Variants in ANXA8 observed in about 807,000 individuals in gnomAD.
The protein encoded by ANXA8 is annexin A8, also known as VAC-beta.
A neutral mutation model predicts 26.8 loss-of-function variants in ANXA8; 9 were observed. That is an observed-to-expected ratio of 0.34 (90% CI 0.20 to 0.59). The LOEUF is 0.59. Among genes scored for constraint, ANXA8 ranks in the 20% least tolerant of loss-of-function variants. ANXA8 has a pLI of 0.84. For synonymous variants in ANXA8, 39 were observed against 94.8 expected (o/e 0.41, Z 3.42); for missense variants, 83 against 238.5 (o/e 0.35, Z 4.29).
At chr10:47,559,141 A>ATTTTTTTTTTTTTT in the ANXA8 span, among the ~76,000 whole-genome samples, 1 of 72,246 alleles carries the variant, frequency 1.4e-5, no homozygotes, top group Admixed American at 1.5e-4. Flanking sequence ...TTGGAGTCTT[A>ATTTTTTTTTTTTTT]CTTTTTTTTT....
chr10:47,596,003 A>C, the ANXA8 span, among the ~76,000 whole-genome samples: 1 of 147,506 alleles, frequency 6.8e-6, no homozygotes, highest in Non-Finnish European at 1.5e-5. Context: ...AAGAGTGATC[A>C]CATATGCAGT....
the ANXA8 span, among the ~76,000 whole-genome samples, chr10:47,947,623 C>T: frequency 6.6e-6 from 1 of 150,804 alleles, no homozygotes; most frequent in Non-Finnish European, 1.5e-5. Flanking sequence ...CATGAGATTA[C>T]CACTTCCCCT....
At chr10:47,700,674 T>G in the ANXA8 span, among the ~76,000 whole-genome samples, 1 of 151,770 alleles carries the variant, frequency 6.6e-6, no homozygotes, top group South Asian at 2.1e-4. Context: ...AAATAAATTT[T>G]GCATAACCAA....
chr10:47,520,857 A>AG, the ANXA8 span, among the ~76,000 whole-genome samples: 1 of 131,510 alleles, frequency 7.6e-6, no homozygotes, highest in African/African-American at 3.3e-5. Context: ...AAAAAAAAAA[A>AG]AAAAGAAGAA....
chr10:47,940,719 C>T, the ANXA8 span, among the ~76,000 whole-genome samples: 1 of 146,188 alleles, frequency 6.8e-6, no homozygotes, highest in Non-Finnish European at 1.5e-5. Flanking sequence ...ATCCCAGCTA[C>T]TCGGGAAGCT....
chr10:47,891,263 TAAATA>T, the ANXA8 span, among the ~76,000 whole-genome samples: 1 of 146,728 alleles, frequency 6.8e-6, no homozygotes, highest in Non-Finnish European at 1.5e-5. Flanking sequence ...TGAATGAAAA[TAAATA>T]ATACACAGTT....
chr10:47,697,100 A>G, the ANXA8 span, among the ~76,000 whole-genome samples: 2 of 151,936 alleles, frequency 1.3e-5, no homozygotes, highest in Non-Finnish European at 2.9e-5. Context: ...AGGAAATAAA[A>G]TGACATAAAA....
At chr10:47,492,960 C>T in the ANXA8 span, among the ~76,000 whole-genome samples, 2 of 151,218 alleles carry the variant, frequency 1.3e-5, no homozygotes, top group African/African-American at 2.4e-5. Context: ...GGACTGTGGG[C>T]CCTCCCAGCC....
chr10:47,974,787 A>C, the ANXA8 span, among the ~76,000 whole-genome samples: 4 of 149,318 alleles, frequency 2.7e-5, 1 homozygote, highest in Admixed American at 2.7e-4. Context: ...ATTTTTTAAA[A>C]TTTATTGAGA....
At chr10:47,558,016 A>G in the ANXA8 span, among the ~76,000 whole-genome samples, 1 of 151,910 alleles carries the variant, frequency 6.6e-6, no homozygotes, top group Non-Finnish European at 1.5e-5. Context: ...ATACTAAGGA[A>G]TATCTGTGGT....
the ANXA8 span, among the ~76,000 whole-genome samples, chr10:47,981,231 A>G: frequency 1.3e-5 from 2 of 151,278 alleles, no homozygotes; most frequent in African/African-American, 2.4e-5. Context: ...CAGAAAAAAC[A>G]TTTGACAAAA....
the ANXA8 span, among the ~76,000 whole-genome samples, chr10:47,733,221 C>CTT: frequency 0.017 from 976 of 56,636 alleles, 13 homozygotes; most frequent in Admixed American, 0.025. Flanking sequence ...TTCTTTCTTT[C>CTT]TCTTTCTTTC....
the ANXA8 span, among the ~76,000 whole-genome samples, chr10:47,948,672 G>A: frequency 2.0e-5 from 3 of 150,350 alleles, no homozygotes; most frequent in Admixed American, 2.0e-4. Context: ...AGAAGGAAAG[G>A]AAAGAGGGAA....
chr10:47,675,201 C>T, the ANXA8 span, among the ~76,000 whole-genome samples: 2 of 144,606 alleles, frequency 1.4e-5, no homozygotes, highest in Non-Finnish European at 3.0e-5. Context: ...ATAAATATTT[C>T]TATATGTATC....
the ANXA8 span, among the ~76,000 whole-genome samples, chr10:47,967,281 A>G: frequency 5.3e-5 from 8 of 151,264 alleles, 1 homozygote; most frequent in Non-Finnish European, 7.4e-5. Context: ...GCTTAGTAGC[A>G]TGTATAGGCA....
chr10:47,743,858 C>T, the ANXA8 span, among the ~76,000 whole-genome samples: 1 of 145,280 alleles, frequency 6.9e-6, no homozygotes, highest in Non-Finnish European at 1.5e-5. Flanking sequence ...TCTGCAGGCT[C>T]CGTCCCCACA....
the ANXA8 span, among the ~76,000 whole-genome samples, chr10:47,651,271 TA>T: frequency 1.2e-4 from 16 of 129,630 alleles, no homozygotes; most frequent in African/African-American, 3.6e-4. Context: ...TATAATAACT[TA>T]AAAAAAATCT....
the ANXA8 span, among the ~76,000 whole-genome samples, chr10:47,497,618 T>A: frequency 9.1e-6 from 1 of 109,958 alleles, no homozygotes; most frequent in African/African-American, 3.7e-5. Flanking sequence ...AACCTCCATC[T>A]CAAAAAAAAA....
the ANXA8 span, among the ~76,000 whole-genome samples, chr10:47,988,843 T>C: frequency 1.3e-5 from 2 of 151,776 alleles, no homozygotes; most frequent in African/African-American, 2.4e-5. Flanking sequence ...TTTGTTGTTA[T>C]TCAAAAATAT....
Sources: allele counts gnomAD v4.1 joint callset (sites outside exome capture counted in the v4.1 genomes callset), GRCh38; gene constraint gnomAD v4.1.1; transcripts MANE v1.5; gene names NCBI Gene and HGNC (gene_info 2026-07-23, HGNC 2026-07-21).